Variants in TMEM132D observed in about 807,000 individuals in gnomAD.
TMEM132D encodes the protein mature OL transmembrane protein.
In TMEM132D, 21 loss-of-function variants were observed where a neutral mutation model predicts 62.3. That is an observed-to-expected ratio of 0.34 (90% CI 0.24 to 0.49). The LOEUF is 0.49. TMEM132D is among the 20% of genes least tolerant of loss of function. The pLI, the probability that TMEM132D is intolerant of heterozygous loss-of-function variation, is 0.99. For missense variants in TMEM132D, 1,346 were observed against 1,402.8 expected (o/e 0.96, Z 0.65); for synonymous variants, 621 against 575.6 (o/e 1.08, Z -1.13).
chr12:129,481,509 T>C (rs556516829), intron 3 of TMEM132D, among the ~76,000 whole-genome samples: 9 of 147,444 alleles, frequency 6.1e-5, no homozygotes, highest in South Asian at 4.3e-4. Flanking sequence ...AACTAACCTA[T>C]AAACAGAGAA....
At chr12:129,602,551 C>T (rs1054430150) in intron 2 of TMEM132D, among the ~76,000 whole-genome samples, 5 of 152,108 alleles carry the variant, frequency 3.3e-5, no homozygotes, top group Admixed American at 2.6e-4. Flanking sequence ...CCATCCAACT[C>T]CGGTGGCAGA....
At chr12:129,185,571 T>A (rs1371228291) in intron 5 of TMEM132D, among the ~76,000 whole-genome samples, 1 of 151,814 alleles carries the variant, frequency 6.6e-6, no homozygotes, top group Non-Finnish European at 1.5e-5. Flanking sequence ...TTATTTTTAT[T>A]ATATTATTTT....
intron 3 of TMEM132D, among the ~76,000 whole-genome samples, chr12:129,362,222 C>T (rs936482785): frequency 1.3e-5 from 2 of 152,184 alleles, no homozygotes; most frequent in African/African-American, 2.4e-5. Context: ...ACTCTTTCAA[C>T]TTGTCTTGCA....
At chr12:129,385,811 C>T (rs182168363) in intron 3 of TMEM132D, among the ~76,000 whole-genome samples, 1 of 152,318 alleles carries the variant, frequency 6.6e-6, no homozygotes, top group East Asian at 1.9e-4. Context: ...AGGCCAGCAG[C>T]CAAACCCCTG....
At chr12:129,868,945 G>A (rs975754563) in intron 1 of TMEM132D, among the ~76,000 whole-genome samples, 9 of 152,174 alleles carry the variant, frequency 5.9e-5, no homozygotes, top group Middle Eastern at 3.4e-3. Flanking sequence ...AACCCCAGCC[G>A]CAGACCTCCA....
At position 129,203,978 on chromosome 12, in the gene TMEM132D, G is replaced by A. The variant is rs139325829; in HGVS notation, c.1443+5542C>T. ...AGCCAGTCAACCGAACCCACCTTAT[G>A]CCATAATCAAACCCCCTAGAACCTC... is the stretch of plus-strand genomic sequence containing the variant. On this transcript the variant is annotated intron_variant, in intron 5 of 8. Transcript: ENST00000422113. 7.6e-4 allele frequency among the ~76,000 whole-genome samples: 116 copies of A among 152,276 alleles called. 2 individuals carry two copies. The highest frequency in any genetic ancestry group is 3.7e-3 in the South Asian group (18 of 4,824).
At chr12:129,798,971 A>T (rs1331633778) in intron 1 of TMEM132D, among the ~76,000 whole-genome samples, 1 of 152,198 alleles carries the variant, frequency 6.6e-6, no homozygotes, top group East Asian at 1.9e-4. Flanking sequence ...GTTCACATAA[A>T]AATATGGATG....
At chr12:129,548,673 T>C (rs1251243924) in intron 2 of TMEM132D, among the ~76,000 whole-genome samples, 1 of 151,744 alleles carries the variant, frequency 6.6e-6, no homozygotes, top group African/African-American at 2.4e-5. Context: ...GACACATGCC[T>C]CTTCGGCTCA....
chr12:129,343,121 G>A (rs1390669220), intron 3 of TMEM132D, among the ~76,000 whole-genome samples: 1 of 152,182 alleles, frequency 6.6e-6, no homozygotes, highest in African/African-American at 2.4e-5. Context: ...AAAGACACAT[G>A]CACATGTATG....
At chr12:129,339,902 C>G (rs2135660451) in intron 3 of TMEM132D, among the ~76,000 whole-genome samples, 1 of 152,288 alleles carries the variant, frequency 6.6e-6, no homozygotes, top group South Asian at 2.1e-4. Flanking sequence ...ATGTCCACAT[C>G]ACATTCTACC....
At chr12:129,463,266 T>A (rs1044564774) in intron 3 of TMEM132D, among the ~76,000 whole-genome samples, 24 of 151,686 alleles carry the variant, frequency 1.6e-4, no homozygotes, top group African/African-American at 4.8e-4. Context: ...ATTTTATTTA[T>A]TTTTTTTGAG....
chr12:129,719,205 G>A (rs909367960), intron 1 of TMEM132D, among the ~76,000 whole-genome samples: 5 of 152,000 alleles, frequency 3.3e-5, no homozygotes, highest in Non-Finnish European at 5.9e-5. Context: ...GCTGCAGTGA[G>A]CCGAGATCGC....
At chr12:129,715,921 C>G (rs1365364777) in intron 1 of TMEM132D, among the ~76,000 whole-genome samples, 1 of 152,168 alleles carries the variant, frequency 6.6e-6, no homozygotes, top group Non-Finnish European at 1.5e-5. Context: ...TGGGGCCCAT[C>G]AGGGACCTGC....
intron 3 of TMEM132D, among the ~76,000 whole-genome samples, chr12:129,376,787 G>A (rs985064558): frequency 7.9e-5 from 12 of 152,150 alleles, no homozygotes; most frequent in Admixed American, 1.3e-4. Context: ...GTGTGCAAAC[G>A]TAAGTGAAAC....
chr12:129,245,247 GTTTTCATTATCTC>G (rs995872268), intron 4 of TMEM132D, among the ~76,000 whole-genome samples: 2 of 152,134 alleles, frequency 1.3e-5, no homozygotes, highest in African/African-American at 2.4e-5. Context: ...AACTACCGAT[GTTTTCATTATCTC>G]CACCGTTTTA....
At chr12:129,279,850 A>C (rs890170777) in intron 4 of TMEM132D, among the ~76,000 whole-genome samples, 2 of 152,220 alleles carry the variant, frequency 1.3e-5, no homozygotes, top group African/African-American at 2.4e-5. Context: ...TGACTTCATA[A>C]AGGACAGAGT....
At chr12:129,593,202 T>C (rs561438967) in intron 2 of TMEM132D, among the ~76,000 whole-genome samples, 4 of 152,362 alleles carry the variant, frequency 2.6e-5, no homozygotes, top group African/African-American at 7.2e-5. Flanking sequence ...TCCTTCTGAC[T>C]TTCAAGCTTA....
intron 5 of TMEM132D, among the ~76,000 whole-genome samples, chr12:129,167,392 A>T (rs987402847): frequency 1.4e-4 from 21 of 152,168 alleles, no homozygotes; most frequent in African/African-American, 4.8e-4. Flanking sequence ...TGGCTTCCCC[A>T]CGCAACTCAT....
intron 3 of TMEM132D, among the ~76,000 whole-genome samples, chr12:129,343,540 C>T (rs908734248): frequency 1.3e-5 from 2 of 151,916 alleles, no homozygotes; most frequent in South Asian, 2.1e-4. Context: ...CAAACCTGCA[C>T]GTTGTGCACA....
Sources: allele counts gnomAD v4.1 joint callset (sites outside exome capture counted in the v4.1 genomes callset), GRCh38; gene constraint gnomAD v4.1.1; transcripts MANE v1.5; gene names NCBI Gene and HGNC (gene_info 2026-07-23, HGNC 2026-07-21).